Variants in SOX6 observed in about 807,000 individuals in gnomAD.
SOX6 encodes SRY-box transcription factor 6.
Under a neutral mutation model 97.8 loss-of-function variants are expected in SOX6, and 11 were observed. That is an observed-to-expected ratio of 0.11 (90% confidence interval 0.07 to 0.19). The LOEUF (loss-of-function observed/expected upper bound fraction) is 0.19. Ranked by LOEUF, SOX6 falls within the 10% of genes least tolerant of loss-of-function variation. SOX6 has a pLI of 1.00. For missense variants in SOX6, 810 were observed against 1,039.5 expected (o/e 0.78, Z 3.04); for synonymous variants, 360 against 371.4 (o/e 0.97, Z 0.35).
intron 2 of SOX6, among the ~76,000 whole-genome samples, chr11:16,327,491 A>G (rs1328419615): frequency 1.3e-5 from 2 of 152,246 alleles, no homozygotes; most frequent in Admixed American, 6.5e-5. Context: ...CCTCAAACCA[A>G]TTCCATTGAG....
At chr11:16,523,192 C>G (rs1449568141) in intron 4 of SOX6, among the ~76,000 whole-genome samples, 1 of 151,958 alleles carries the variant, frequency 6.6e-6, no homozygotes, top group South Asian at 2.1e-4. Flanking sequence ...TTTTTCAGCA[C>G]CACACCACAC....
intron 1 of SOX6, among the ~76,000 whole-genome samples, chr11:16,437,829 G>T (rs970366799): frequency 2.0e-5 from 3 of 152,172 alleles, no homozygotes; most frequent in African/African-American, 7.2e-5. Context: ...ATACCTCAAA[G>T]AGTTGCTTAT....
intron 10 of SOX6, among the ~76,000 whole-genome samples, chr11:16,051,740 A>T (rs1428223492): frequency 2.0e-5 from 3 of 152,130 alleles, no homozygotes; most frequent in Non-Finnish European, 4.4e-5. Context: ...CTTCTAAAAA[A>T]TCTAAATTTA....
At chr11:16,659,137 T>C (rs1847747275) in intron 3 of SOX6, among the ~76,000 whole-genome samples, 2 of 152,254 alleles carry the variant, frequency 1.3e-5, no homozygotes, top group African/African-American at 4.8e-5. Context: ...TAGATTTTCT[T>C]TGATAATATC....
At chr11:16,473,273 G>A (rs1034069497) in intron 1 of SOX6, among the ~76,000 whole-genome samples, 5 of 152,248 alleles carry the variant, frequency 3.3e-5, no homozygotes, top group East Asian at 1.9e-4. Context: ...CAAATGTTGC[G>A]ATAAAGCAAA....
At position 15,971,399 on chromosome 11, in the gene SOX6, G is replaced by A. The variant is rs573182816; in HGVS notation, c.*1410C>T. The A allele has an allele frequency of 3.3e-5, 5 of 152,748 alleles. No individual in the cohort carries two copies. Among genetic ancestry groups the A allele is most frequent in the East Asian group, 3.9e-4 (2 of 5,178 alleles). The allele number at this position is 152,748 out of a possible 1,614,324, so 9.5% of individuals were successfully genotyped here. A position where few individuals can be genotyped will look rare whatever the true frequency, so the allele number is the denominator to read the frequency against. ...TCACTGAGATTCCTGCATGGCCCAC[G>A]AGCCTTGGGCTTCAGGTTTGGCCGC... On this transcript the variant is annotated 3_prime_UTR_variant, in exon 16 of 16. Transcript: ENST00000683767.
intron 12 of SOX6, among the ~76,000 whole-genome samples, chr11:16,030,609 T>C (rs16932474): frequency 0.05 from 7,675 of 152,232 alleles, 644 homozygotes; most frequent in African/African-American, 0.17. Context: ...TACAAAACCA[T>C]ATGAAATTCA....
intron 2 of SOX6, among the ~76,000 whole-genome samples, chr11:16,720,760 A>C (rs1848254907): frequency 6.6e-6 from 1 of 152,204 alleles, no homozygotes; most frequent in Non-Finnish European, 1.5e-5. Flanking sequence ...TGAAATAGTT[A>C]ATACTGTATA....
At chr11:16,193,776 T>A (rs1301956053) in intron 4 of SOX6, among the ~76,000 whole-genome samples, 1 of 152,196 alleles carries the variant, frequency 6.6e-6, no homozygotes, top group South Asian at 2.1e-4. Context: ...CTCTTAAGAA[T>A]CAATTCCCTG....
intron 7 of SOX6, among the ~76,000 whole-genome samples, chr11:16,098,574 T>A (rs976208941): frequency 6.6e-6 from 1 of 151,832 alleles, no homozygotes; most frequent in African/African-American, 2.4e-5. Flanking sequence ...AAACATATCA[T>A]GACAGAGGTA....
intron 1 of SOX6, among the ~76,000 whole-genome samples, chr11:16,465,132 T>C (rs1267018047): frequency 6.6e-6 from 1 of 152,174 alleles, no homozygotes; most frequent in Non-Finnish European, 1.5e-5. Context: ...GCCCTCAAAG[T>C]TTTCTGACAC....
intron 13 of SOX6, among the ~76,000 whole-genome samples, chr11:15,994,250 G>T (rs1032451872): frequency 6.6e-6 from 1 of 152,042 alleles, no homozygotes; most frequent in African/African-American, 2.4e-5. Flanking sequence ...ATATTAGGGA[G>T]GCTTCAGAGT....
At chr11:16,061,544 C>G (rs769572772) in intron 9 of SOX6, among the ~76,000 whole-genome samples, 8 of 151,464 alleles carry the variant, frequency 5.3e-5, no homozygotes, top group Non-Finnish European at 1.0e-4. Flanking sequence ...AAAAAACAAT[C>G]CTAAAATTCA....
intron 3 of SOX6, among the ~76,000 whole-genome samples, chr11:16,710,067 G>C (rs1590060226): frequency 1.3e-5 from 2 of 152,196 alleles, no homozygotes; most frequent in Non-Finnish European, 2.9e-5. Flanking sequence ...TGTGAAAAGA[G>C]AGGGTATCTT....
rs1317627649 is a variant in SOX6 at position 16,234,601 on chromosome 11, T to A, written c.516A>T (p.Glu172Asp). The stretch of plus-strand genomic sequence containing the variant: ...TTGTACCTTTAATTTCTCCAAGAAG[T>A]TCACTGGTATTTAGTCTTTCCATTT... ...KEKMERLNTS[E>D]LLGEIKGTPE... Residue 172 changes from glutamate to aspartate, a missense_variant, in exon 4 of 16, where the codon GAA (glutamate) becomes GAT (aspartate). Physicochemically the swap from Glu to Asp is conservative, Grantham distance 45 (BLOSUM62 2). Coordinates refer to ENST00000683767, the MANE Select transcript of SOX6 (RefSeq NM_001367873.1). 3 of 1,592,048 alleles carry A rather than the reference T, an allele frequency of 1.9e-6. No homozygotes were observed. The highest frequency in any genetic ancestry group is 1.7e-5 in the Admixed American group (1 of 59,488).
At chr11:16,530,209 AT>A (rs1328254817) in intron 4 of SOX6, among the ~76,000 whole-genome samples, 1 of 152,038 alleles carries the variant, frequency 6.6e-6, no homozygotes, top group African/African-American at 2.4e-5. Flanking sequence ...AATATACAGG[AT>A]TTTTAAGGAT....
intron 4 of SOX6, among the ~76,000 whole-genome samples, chr11:16,196,341 C>T (rs912588825): frequency 2.0e-5 from 3 of 152,194 alleles, no homozygotes; most frequent in African/African-American, 7.2e-5. Flanking sequence ...CTCTTAACCA[C>T]TATGATAAAT....
intron 9 of SOX6, among the ~76,000 whole-genome samples, chr11:16,073,946 T>G (rs142481507): frequency 1.3e-5 from 2 of 152,268 alleles, no homozygotes; most frequent in East Asian, 3.9e-4. Flanking sequence ...AAAGCAGTGT[T>G]AAAAGCAGAG....
intron 3 of SOX6, among the ~76,000 whole-genome samples, chr11:16,235,462 A>G (rs563396546): frequency 1.1e-4 from 17 of 151,982 alleles, no homozygotes; most frequent in Non-Finnish European, 2.1e-4. Context: ...ATGCAAATGG[A>G]TTTGCAACTG....
Sources: gnomAD v4.1 joint callset for allele counts (sites outside exome capture counted in the v4.1 genomes callset) on GRCh38, gnomAD v4.1.1 for gene constraint, MANE v1.5 for transcripts, NCBI Gene and HGNC (gene_info 2026-07-23, HGNC 2026-07-21) for gene names.